Variants in GOSR2 observed in about 807,000 individuals in gnomAD.
GOSR2 encodes the protein golgi SNAP receptor complex member 2, also known as 27 kDa Golgi SNARE protein.
In GOSR2, 20 loss-of-function variants were observed where a neutral mutation model predicts 27.9. The ratio of observed to expected loss-of-function variants is 0.72; its 90% confidence interval spans 0.50 to 1.04. GOSR2 has a LOEUF of 1.04. GOSR2 is among the 50% of genes least tolerant of loss of function. The pLI, the probability that GOSR2 is intolerant of heterozygous loss-of-function variation, is 0.00. For missense variants in GOSR2, 261 were observed against 270.5 expected (o/e 0.97, Z 0.25); for synonymous variants, 91 against 98.8 (o/e 0.92, Z 0.47).
chr17:46,941,164 CA>C lies in GOSR2; in HGVS notation c.*2405del, dbSNP rs1482804168. The C allele has an allele frequency of 3.0e-6, 3 of 1,006,472 alleles. No individual in the cohort carries two copies. Among genetic ancestry groups the C allele is most frequent in the Non-Finnish European group, 3.6e-6 (3 of 841,016 alleles). 62.3% of individuals were successfully genotyped at this position (1,006,472 alleles called of 1,614,324 possible). A position where few individuals can be genotyped will look rare whatever the true frequency, so the allele number is the denominator to read the frequency against. ...CTCTTTATTACATGGACATTTACTT[CA>C]GGGGGACCACTGTAAGAAAAGCCAA... On this transcript the variant is annotated 3_prime_UTR_variant, in exon 6 of 6. Transcript: ENST00000640051.
chr17:46,942,719 G>T (rs1749878766), downstream of GOSR2, among the ~76,000 whole-genome samples: 1 of 152,246 alleles, frequency 6.6e-6, no homozygotes, highest in African/African-American at 2.4e-5. Flanking sequence ...GGGCGGCATA[G>T]CCCTATCTGT....
In GOSR2 at chr17:46,938,778, G is replaced by T. The variant is rs778066395; in HGVS notation, c.*18G>T. The T allele has an allele frequency of 4.2e-5, 68 of 1,613,462 alleles. No homozygotes were observed. The Admixed American group carries it at 1.1e-3, about 26-fold the overall frequency. ...TGACATGAGCCAGCCACGCTCAGTGGCTGAACAGCATTCCCACAGCCTGCA... is the reference window on the plus strand; with the variant it reads ...TGACATGAGCCAGCCACGCTCAGTGTCTGAACAGCATTCCCACAGCCTGCA... On this transcript the variant is annotated 3_prime_UTR_variant, in exon 6 of 6. Coordinates refer to ENST00000640051, the MANE Select transcript of GOSR2 (RefSeq NM_004287.5).
chr17:46,956,140 C>A (rs965328134), intron 6 of GOSR2, among the ~76,000 whole-genome samples: 8 of 152,164 alleles, frequency 5.3e-5, no homozygotes, highest in Admixed American at 3.3e-4. Flanking sequence ...CAGGGAAAAA[C>A]CGATTCACAG....
At chr17:46,933,892 G>T (rs1368144496) in intron 4 of GOSR2, among the ~76,000 whole-genome samples, 2 of 151,534 alleles carry the variant, frequency 1.3e-5, no homozygotes, top group Non-Finnish European at 2.9e-5. Context: ...CTTAAGCCTG[G>T]TAGGTCAAGG....
Position 46,940,738 on chromosome 17 carries a change from C to T in GOSR2, c.*1978C>T. On this transcript the variant is annotated 3_prime_UTR_variant, in exon 6 of 6. Transcript: ENST00000640051. ...TTGACAGTGGTTGGCTTTGATGAAC[C>T]CTCATGCTGCACCTTCAGAGCCAGT... is the stretch of plus-strand genomic sequence containing the variant. 1 of 1,580,828 alleles carries T rather than the reference C, an allele frequency of 6.3e-7. No homozygotes were observed. The highest frequency in any genetic ancestry group is 1.1e-5 in the South Asian group (1 of 88,772).
intron 6 of GOSR2, among the ~76,000 whole-genome samples, chr17:46,961,144 TATTG>T (rs777123178): frequency 6.6e-6 from 1 of 152,154 alleles, no homozygotes; most frequent in Non-Finnish European, 1.5e-5. Context: ...AAGGTAAAGA[TATTG>T]ATTAATTTCA....
At chr17:46,943,898 G>C (rs766300874), downstream of GOSR2, among the ~76,000 whole-genome samples, 1 of 152,200 alleles carries the variant, frequency 6.6e-6, no homozygotes, top group Non-Finnish European at 1.5e-5. Flanking sequence ...GAATCCTGGC[G>C]ATCCCTCGGT....
At chr17:46,935,595 T>C in intron 5 of GOSR2, 2 of 1,075,090 alleles carry the variant, frequency 1.9e-6, no homozygotes, top group Non-Finnish European at 1.1e-6. Context: ...CTAAAACCTT[T>C]TGTATTTTAG....
At chr17:46,950,573 C>T (rs1419243137) in intron 6 of GOSR2, among the ~76,000 whole-genome samples, 1 of 152,200 alleles carries the variant, frequency 6.6e-6, no homozygotes, top group East Asian at 1.9e-4. Context: ...TCTCCAAGAG[C>T]ATTCAGGGGC....
intron 6 of GOSR2, among the ~76,000 whole-genome samples, chr17:46,958,316 C>A (rs1006514479): frequency 2.0e-5 from 3 of 152,202 alleles, no homozygotes; most frequent in Non-Finnish European, 4.4e-5. Context: ...CACAATAATT[C>A]AAGACAGGAT....
rs184243872 is a variant in GOSR2 at position 46,974,326 on chromosome 17, C to G, written c.616-873C>G. 7.9e-5 allele frequency among the ~76,000 whole-genome samples: 12 copies of G among 152,310 alleles called. No individual in the cohort carries two copies. The East Asian group carries it at 2.3e-3, about 29-fold the overall frequency. ...CCCACAGGAGATTTACAATAGACAC[C>G]GGTGGAATGAATGAGCTTGGACAAG... On this transcript the variant is annotated intron_variant, in intron 6 of 6. Transcript: ENST00000640723.
chr17:46,932,066 G>T lies in GOSR2; in HGVS notation c.204-1G>T, dbSNP rs1187190721. The T allele has an allele frequency of 1.2e-6, 2 of 1,613,606 alleles. No homozygotes were observed. Among genetic ancestry groups the T allele is most frequent in the Admixed American group, 1.7e-5 (1 of 60,028 alleles). On this transcript the variant is annotated splice_acceptor_variant, in intron 3 of 5. Coordinates refer to ENST00000640051, the MANE Select transcript of GOSR2 (RefSeq NM_004287.5). LOFTEE classifies it high-confidence loss of function. Reference sequence around the variant, plus strand: ...TTAATCTCTCTCTCCATCAATTCCAGTCGGGTTGACCAGTTAAAGTATGAT... The same window carrying T: ...TTAATCTCTCTCTCCATCAATTCCATTCGGGTTGACCAGTTAAAGTATGAT...
At chr17:46,972,945 A>C (rs1390702852) in intron 6 of GOSR2, 8 of 153,902 alleles carry the variant, frequency 5.2e-5, no homozygotes. Flanking sequence ...CTTGTACGTC[A>C]AGTTTATTAG....
At position 46,953,308 on chromosome 17, in the gene GOSR2, T is replaced by C. The variant is rs193249657; in HGVS notation, c.584-13226T>C. On this transcript the variant is annotated intron_variant, in intron 6 of 6. Transcript: ENST00000573224. ...TGAGAACATGCAGTGTTTGGTTTTT[T>C]GTCCTTGCAATAGTTTGCTGAGAAT... Among the ~76,000 whole-genome samples the C allele has an allele frequency of 4.6e-3, 705 of 152,308 alleles. 5 individuals are homozygous for C. The highest frequency in any genetic ancestry group is 6.6e-3 in the Non-Finnish European group (451 of 68,032).
chr17:46,960,532 T>G (rs2090993428), intron 6 of GOSR2, among the ~76,000 whole-genome samples: 1 of 152,212 alleles, frequency 6.6e-6, no homozygotes, highest in Non-Finnish European at 1.5e-5. Context: ...AAAACTTTTG[T>G]TCACACATAC....
chr17:46,962,138 C>A (rs1432853731), intron 6 of GOSR2, among the ~76,000 whole-genome samples: 1 of 152,000 alleles, frequency 6.6e-6, no homozygotes, highest in East Asian at 1.9e-4. Context: ...CCAGTCTGGC[C>A]AACATGGTGA....
intron 6 of GOSR2, among the ~76,000 whole-genome samples, chr17:46,974,626 C>T (rs901349360): frequency 3.3e-5 from 5 of 151,780 alleles, no homozygotes; most frequent in African/African-American, 1.2e-4. Flanking sequence ...CCCAGCTACT[C>T]GGGAGGCTGA....
chr17:46,958,496 CTA>C (rs2090866842), intron 6 of GOSR2, among the ~76,000 whole-genome samples: 2 of 152,220 alleles, frequency 1.3e-5, no homozygotes, highest in South Asian at 4.1e-4. Context: ...CACAGCCTGA[CTA>C]AGCCAAGAGC....
chr17:46,940,189 CT>C lies in GOSR2; in HGVS notation c.*1432del. On this transcript the variant is annotated 3_prime_UTR_variant, in exon 6 of 6. Coordinates refer to ENST00000640051, the MANE Select transcript of GOSR2 (RefSeq NM_004287.5). The stretch of plus-strand genomic sequence containing the variant: ...CAGGCACCTCTGTGGCATAGCTCCC[CT>C]TTGGTAAGTTTTCTTAATTGTCATA... 1.5e-6 allele frequency: 2 copies of C among 1,378,582 alleles called. No individual in the cohort carries two copies. The highest frequency in any genetic ancestry group is 1.9e-6 in the Non-Finnish European group (2 of 1,066,128). The allele number at this position is 1,378,582 out of a possible 1,614,324, so 85.4% of individuals were successfully genotyped here.
Sources: allele counts gnomAD v4.1 joint callset (sites outside exome capture counted in the v4.1 genomes callset), GRCh38; gene constraint gnomAD v4.1.1; transcripts MANE v1.5; gene names NCBI Gene and HGNC (gene_info 2026-07-23, HGNC 2026-07-21).